PDE4C: variants seen among roughly 807,000 people sequenced by gnomAD.
PDE4C encodes the protein phosphodiesterase 4C.
Under a neutral mutation model 63.9 loss-of-function variants are expected in PDE4C, and 50 were observed. The observed-to-expected ratio is 0.78, with a 90% CI of 0.62 to 0.99. The LOEUF (loss-of-function observed/expected upper bound fraction) is 0.99. Among genes scored for constraint, PDE4C ranks in the 50% least tolerant of loss-of-function variants. The probability of loss-of-function intolerance (pLI) is 0.00; values close to 1 mark genes in which losing one functional copy is unlikely to be tolerated. For missense variants in PDE4C, 777 were observed against 899.1 expected (o/e 0.86, Z 1.74); for synonymous variants, 377 against 385.1 (o/e 0.98, Z 0.25).
upstream of PDE4C, among the ~76,000 whole-genome samples, chr19:18,233,920 A>G (rs1968903348): frequency 6.6e-6 from 1 of 152,182 alleles, no homozygotes; most frequent in Non-Finnish European, 1.5e-5. Context: ...AAGCCCAGGA[A>G]GGTAGGCTCC....
At chr19:18,245,988 C>T (rs1969121727) in intron 1 of PDE4C, among the ~76,000 whole-genome samples, 1 of 151,036 alleles carries the variant, frequency 6.6e-6, no homozygotes, top group African/African-American at 2.4e-5. Flanking sequence ...GGATTACAGG[C>T]ACCTGCCACC....
the PDE4C span, chr19:18,255,074 G>A: frequency 5.1e-6 from 2 of 392,450 alleles, no homozygotes; most frequent in Non-Finnish European, 9.0e-6. This position sits in a 1 kb window ranked among gnomAD's most constrained non-coding sequence, Gnocchi z 4.6. Context: ...GTTTGTTTCT[G>A]GGGGAAAACC....
intron 8 of PDE4C, 31 bp downstream of exon 8, chr19:18,219,203 C>T (rs747149218): frequency 6.2e-7 from 1 of 1,613,902 alleles, no homozygotes; most frequent in Non-Finnish European, 8.5e-7. Context: ...GGGACCAAAC[C>T]TTGATCTTGG....
In PDE4C at chr19:18,216,914, G is replaced by A. The variant is rs770742504; in HGVS notation, c.1235-19C>T. On this transcript the variant is annotated intron_variant, in intron 11 of 14. Transcript: ENST00000262805. The stretch of plus-strand genomic sequence containing the variant: ...TCTGAGTCTGTGAGGGTATGGGACT[G>A]AGAGCCCCAAGATCCACCCGCCCCA... 4 of 1,584,394 alleles carry A rather than the reference G, an allele frequency of 2.5e-6. No individual in the cohort carries two copies. The highest frequency in any genetic ancestry group is 2.3e-5 in the South Asian group (2 of 88,066).
intron 1 of PDE4C, among the ~76,000 whole-genome samples, chr19:18,246,182 A>AT (rs35056580): frequency 0.038 from 4,290 of 112,642 alleles, 104 homozygotes; most frequent in Middle Eastern, 0.057. Flanking sequence ...CACCAGGCTA[A>AT]TTTTTTTTTT....
At chr19:18,211,014 G>T (rs1259046143) in exon 15 of PDE4C, 1 of 1,614,204 alleles carries the variant, frequency 6.2e-7, no homozygotes, top group South Asian at 1.1e-5. Flanking sequence ...CAACTCCAAG[G>T]CCTCTTTGGC....
At chr19:18,232,932 C>T in intron 1 of PDE4C, 1 of 1,442,510 alleles carries the variant, frequency 6.9e-7, no homozygotes, top group South Asian at 1.5e-5. Context: ...GCAGGAGGCC[C>T]CTGCCCCGGC....
chr19:18,222,688 G>T (rs1387688634), intron 1 of PDE4C, among the ~76,000 whole-genome samples: 42 of 23,944 alleles, frequency 1.8e-3, no homozygotes, highest in Admixed American at 4.8e-3. Context: ...TCTCTCTCTC[G>T]CCCTTTCTTT....
intron 12 of PDE4C, 148 bp downstream of exon 12, chr19:18,216,593 G>T: frequency 1.3e-6 from 1 of 757,834 alleles, no homozygotes; most frequent in Non-Finnish European, 2.1e-6. Context: ...CCATTTCACA[G>T]ATGAGGAAGC....
rs771680111 is a variant in PDE4C, at chr19:18,211,736, G to A, written c.1695+23C>T. 3.7e-6 allele frequency: 6 copies of A among 1,613,232 alleles called. No individual in the cohort carries two copies. In the East Asian group the frequency reaches 1.1e-4, roughly 30 times the overall value. On this transcript the variant is annotated intron_variant, in intron 14 of 14. Transcript: ENST00000262805. ...TTTTACTTCCTCCCAGTGTCTACCG[G>A]TTCAGCCCAGTCCCCTGCCAACCTG...
At chr19:18,245,166 G>A (rs1969109317) in intron 1 of PDE4C, among the ~76,000 whole-genome samples, 1 of 149,240 alleles carries the variant, frequency 6.7e-6, no homozygotes, top group Non-Finnish European at 1.5e-5. Context: ...TTGTTTGTTT[G>A]TTTGTTTGTT....
In PDE4C at chr19:18,232,994, C is replaced by T. The variant is rs1260746057; in HGVS notation, c.198G>A (p.Glu66=). Residue 66 remains glutamate, a synonymous_variant, in exon 1 of 15, where the codon GAG becomes GAA. Coordinates refer to the PDE4C transcript ENST00000594465. ...GCCAGGAGAGCCGCGACTTCCTGAGCTCCGGCCGCGGGCTCAGGTCCCTCT... is the reference window on the plus strand; with the variant it reads ...GCCAGGAGAGCCGCGACTTCCTGAGTTCCGGCCGCGGGCTCAGGTCCCTCT... 7 of 1,508,992 alleles carry T rather than the reference C, an allele frequency of 4.6e-6. No homozygotes were observed. In the East Asian group the frequency reaches 1.7e-4, roughly 37 times the overall value. The allele number at this position is 1,508,992 out of a possible 1,614,324, so 93.5% of individuals were successfully genotyped here.
At chr19:18,219,075 C>G in intron 8 of PDE4C, 37 bp from the exon 9 acceptor site, 1 of 1,587,672 alleles carries the variant, frequency 6.3e-7, no homozygotes, top group Non-Finnish European at 8.6e-7. Flanking sequence ...TTAACCCCAG[C>G]CCAACTTCCC....
exon 4 of PDE4C, chr19:18,221,129 C>T (rs748436307): frequency 4.0e-6 from 6 of 1,503,740 alleles, no homozygotes; most frequent in Non-Finnish European, 5.4e-6. Flanking sequence ...GCATTGCTGG[C>T]GGGCAAGGGC....
chr19:18,224,648 G>A (rs1380086449), intron 1 of PDE4C, among the ~76,000 whole-genome samples: 2 of 152,244 alleles, frequency 1.3e-5, no homozygotes, highest in Admixed American at 1.3e-4. Flanking sequence ...CTCGGGCCGG[G>A]TCGGGCATGT....
intron 1 of PDE4C, among the ~76,000 whole-genome samples, chr19:18,247,279 A>G (rs1969148977): frequency 6.6e-6 from 1 of 151,602 alleles, no homozygotes; most frequent in Non-Finnish European, 1.5e-5. Context: ...CTGGTCCCCG[A>G]GCAGCTCTAA....
At chr19:18,254,673 A>G in the PDE4C span, among the ~76,000 whole-genome samples, 3 of 152,200 alleles carry the variant, frequency 2.0e-5, no homozygotes, top group African/African-American at 7.2e-5. Context: ...GTGGGGTAGG[A>G]CACCGGTCAG....
At chr19:18,226,272 C>T in exon 1 of PDE4C, 1 of 1,561,842 alleles carries the variant, frequency 6.4e-7, no homozygotes, top group Non-Finnish European at 8.7e-7. Context: ...AGCCTCACCA[C>T]AGCGGATGGG....
exon 1 of PDE4C, chr19:18,233,052 T>C: frequency 1.3e-6 from 2 of 1,567,338 alleles, no homozygotes; most frequent in South Asian, 1.2e-5. Flanking sequence ...CGGATCCGAA[T>C]AGAAGCGCTG....
Sources: allele counts gnomAD v4.1 joint callset (sites outside exome capture counted in the v4.1 genomes callset), GRCh38; gene constraint gnomAD v4.1.1; non-coding constraint Gnocchi (gnomAD v3.1); transcripts MANE v1.5; gene names NCBI Gene and HGNC (gene_info 2026-07-23, HGNC 2026-07-21).